GADD45B: variants seen among roughly 807,000 people sequenced by gnomAD.
GADD45B encodes the protein growth arrest and DNA damage inducible beta.
A neutral mutation model predicts 15.2 loss-of-function variants in GADD45B; 8 were observed. That is an observed-to-expected ratio of 0.53 (90% confidence interval 0.31 to 0.95). The LOEUF is 0.95. Ranked by LOEUF, GADD45B falls within the 40% of genes least tolerant of loss-of-function variation. The probability of loss-of-function intolerance (pLI) is 0.05; values close to 1 mark genes in which losing one functional copy is unlikely to be tolerated. For synonymous variants in GADD45B, 100 were observed against 89.8 expected (o/e 1.11, Z -0.64); for missense variants, 162 against 216.6 (o/e 0.75, Z 1.58).
Position 2,477,003 on chromosome 19 carries a change from C to G in GADD45B, c.147-26C>G. On this transcript the variant is annotated intron_variant, in intron 2 of 3. Transcript: ENST00000215631. The surrounding 1 kb of genome is among the most constrained non-coding windows in gnomAD (Gnocchi z 4.2). ...GGCCCCTCCCCTGTCCCCGGCTGAC[C>G]CATCCCTACCCTTTGGCCCCCTCAG... 1 of 1,524,444 alleles carries G rather than the reference C, an allele frequency of 6.6e-7. No individual in the cohort carries two copies. The highest frequency in any genetic ancestry group is 9.1e-7 in the Non-Finnish European group (1 of 1,099,842). 94.4% of individuals were successfully genotyped at this position (1,524,444 alleles called of 1,614,324 possible). A position where few individuals can be genotyped will look rare whatever the true frequency, so the allele number is the denominator to read the frequency against.
Position 2,477,293 on chromosome 19 carries a change from T to C in GADD45B, c.369+42T>C. 2 of 1,348,604 alleles carry C rather than the reference T, an allele frequency of 1.5e-6. No homozygotes were observed. The highest frequency in any genetic ancestry group is 2.0e-6 in the Non-Finnish European group (2 of 987,008). The allele number at this position is 1,348,604 out of a possible 1,614,324, so 83.5% of individuals were successfully genotyped here. ...CCCTGCCCCGCCACGCCCGGGCACC[T>C]GGGCCGGTGTTTGTCAACAAAGTCG... On this transcript the variant is annotated intron_variant, in intron 3 of 3. Transcript: ENST00000215631. The surrounding 1 kb of genome is among the most constrained non-coding windows in gnomAD (Gnocchi z 4.2).
At position 2,477,607 on chromosome 19, in the gene GADD45B, T is replaced by C. The variant is rs771453941; in HGVS notation, c.*6T>C. 19 of 1,491,826 alleles carry C rather than the reference T, an allele frequency of 1.3e-5. No individual in the cohort carries two copies. The highest frequency in any genetic ancestry group is 1.6e-5 in the Non-Finnish European group (17 of 1,069,370). 92.4% of individuals were successfully genotyped at this position (1,491,826 alleles called of 1,614,324 possible). A position where few individuals can be genotyped will look rare whatever the true frequency, so the allele number is the denominator to read the frequency against. On this transcript the variant is annotated 3_prime_UTR_variant, in exon 4 of 4. Coordinates refer to ENST00000215631, the MANE Select transcript of GADD45B (RefSeq NM_015675.4). This position sits in a 1 kb window ranked among gnomAD's most constrained non-coding sequence, Gnocchi z 4.2. ...TCTCTCTTCAGGAACGCTGAGGCCC[T>C]TCCCAGCAGCAGAATCTGTTGAGTT... is the stretch of plus-strand genomic sequence containing the variant.
rs373242275 is a variant in GADD45B at position 2,477,298 on chromosome 19, C to G, written c.369+47C>G. On this transcript the variant is annotated intron_variant, in intron 3 of 3. Transcript: ENST00000215631. The surrounding 1 kb of genome is among the most constrained non-coding windows in gnomAD (Gnocchi z 4.2). Reference sequence around the variant, plus strand: ...CCCCGCCACGCCCGGGCACCTGGGCCGGTGTTTGTCAACAAAGTCGGGCTG... The same window carrying G: ...CCCCGCCACGCCCGGGCACCTGGGCGGGTGTTTGTCAACAAAGTCGGGCTG... The G allele has an allele frequency of 1.5e-6, 2 of 1,328,396 alleles. No homozygotes were observed. The highest frequency in any genetic ancestry group is 4.4e-5 in the Admixed American group (2 of 45,658). The allele number at this position is 1,328,396 out of a possible 1,614,324, so 82.3% of individuals were successfully genotyped here. A position where few individuals can be genotyped will look rare whatever the true frequency, so the allele number is the denominator to read the frequency against.
At position 2,476,134 on chromosome 19, in the gene GADD45B, C is replaced by T. The variant is rs1397194232; in HGVS notation, c.-225C>T. 1.0e-5 allele frequency: 6 copies of T among 598,890 alleles called. No individual in the cohort carries two copies. Among genetic ancestry groups the T allele is most frequent in the South Asian group, 5.9e-5 (3 of 50,634 alleles). 37.1% of individuals were successfully genotyped at this position (598,890 alleles called of 1,614,324 possible). Reference sequence around the variant, plus strand: ...GCCGGAGGCTCCCAGCTCAGATCGCCGAAGCGTCGGACTACCGTTGGTTTC... The same window carrying T: ...GCCGGAGGCTCCCAGCTCAGATCGCTGAAGCGTCGGACTACCGTTGGTTTC... On this transcript the variant is annotated 5_prime_UTR_variant, in exon 1 of 4. Transcript: ENST00000215631.
intron 2 of GADD45B, 162 bp downstream of exon 2, chr19:2,476,792 C>G (rs3783498): frequency 3.2e-6 from 2 of 616,734 alleles, no homozygotes; most frequent in East Asian, 5.5e-5. Context: ...CGGGGGCTGC[C>G]GTATCCTGAT....
chr19:2,476,266 T>C lies in GADD45B; in HGVS notation c.-93T>C. The C allele has an allele frequency of 8.3e-7, 1 of 1,207,280 alleles. No individual in the cohort carries two copies. The highest frequency in any genetic ancestry group is 1.2e-6 in the Non-Finnish European group (1 of 810,772). The allele number at this position is 1,207,280 out of a possible 1,614,324, so 74.8% of individuals were successfully genotyped here. On this transcript the variant is annotated 5_prime_UTR_variant, in exon 1 of 4. Coordinates refer to ENST00000215631, the MANE Select transcript of GADD45B (RefSeq NM_015675.4). ...AGGTCTTGGACGAGCGCTCTAGCTC[T>C]GTGGGAAGGTTTTGGGCTCTCTGGC...
chr19:2,477,585 C>A lies in GADD45B; in HGVS notation c.467C>A (p.Ser156Tyr). ...RGNNQWVPYI[S>Y]LQER ...AACAACCAGTGGGTCCCCTACATCT[C>A]TCTTCAGGAACGCTGAGGCCCTTCC... The change falls in exon 4 of 4, where the codon TCT (serine) becomes TAT (tyrosine). Residue 156 changes from serine to tyrosine, a missense_variant. Transcript: ENST00000215631. The surrounding 1 kb of genome is among the most constrained non-coding windows in gnomAD (Gnocchi z 4.2). 6.2e-7 allele frequency: 1 copy of A among 1,601,462 alleles called. No homozygotes were observed. Among genetic ancestry groups the A allele is most frequent in the South Asian group, 1.1e-5 (1 of 90,802 alleles).
At position 2,477,080 on chromosome 19, in the gene GADD45B, G is replaced by T. The variant is rs1397034102; in HGVS notation, c.198G>T (p.Glu66Asp). 5.6e-6 allele frequency: 9 copies of T among 1,613,832 alleles called. No individual in the cohort carries two copies. Among genetic ancestry groups the T allele is most frequent in the Non-Finnish European group, 7.6e-6 (9 of 1,179,810 alleles). Residue 66 changes from glutamate (E) to aspartate (D), a missense_variant, in exon 3 of 4, where the codon GAG becomes GAT. Transcript: ENST00000215631. The surrounding 1 kb of genome is among the most constrained non-coding windows in gnomAD (Gnocchi z 4.2). ...LCLLAIDEEE[E>D]DDIALQIHFT... ...TCTTGGCCATTGACGAGGAGGAGGA[G>T]GATGACATCGCCCTGCAAATCCACT...
At position 2,478,059 on chromosome 19, in the gene GADD45B, C is replaced by G. The variant is rs1046413662; in HGVS notation, c.*458C>G. Reference sequence around the variant, plus strand: ...CTTGGTTGGTCCTTGTCTGCACCCTCGACAAGACCACACTTTGGGACTTGG... The same window carrying G: ...CTTGGTTGGTCCTTGTCTGCACCCTGGACAAGACCACACTTTGGGACTTGG... On this transcript the variant is annotated 3_prime_UTR_variant, in exon 4 of 4. Transcript: ENST00000215631. 1 of 154,878 alleles carries G rather than the reference C, an allele frequency of 6.5e-6. No homozygotes were observed. The highest frequency in any genetic ancestry group is 2.4e-5 in the African/African-American group (1 of 41,582). 9.6% of individuals were successfully genotyped at this position (154,878 alleles called of 1,614,324 possible).
rs755359139 is a variant in GADD45B, at chr19:2,476,167, T to A, written c.-192T>A. Reference sequence around the variant, plus strand: ...CGGACTACCGTTGGTTTCCGCAACTTCCTGGATTATCCTCGCCAAGGACTT... The same window carrying A: ...CGGACTACCGTTGGTTTCCGCAACTACCTGGATTATCCTCGCCAAGGACTT... On this transcript the variant is annotated 5_prime_UTR_variant, in exon 1 of 4. Transcript: ENST00000215631. 1.7e-4 allele frequency: 108 copies of A among 637,696 alleles called. No homozygotes were observed. Among genetic ancestry groups the A allele is most frequent in the Non-Finnish European group, 2.7e-4 (97 of 361,634 alleles). The allele number at this position is 637,696 out of a possible 1,614,324, so 39.5% of individuals were successfully genotyped here. A position where few individuals can be genotyped will look rare whatever the true frequency, so the allele number is the denominator to read the frequency against.
At chr19:2,476,458 T>TGGGCC in intron 1 of GADD45B, 56 bp downstream of exon 1, 1 of 1,602,324 alleles carries the variant, frequency 6.2e-7, no homozygotes, top group Middle Eastern at 1.7e-4. Flanking sequence ...TGGGTCGGGT[T>TGGGCC]GGGCCGGGCC....
In GADD45B at chr19:2,477,535, C is replaced by T; in HGVS notation, c.417C>T (p.Ala139=). ...AGAGCCACGGCTTGGTGGAGGTGGCCAGCTACTGCGAAGAAAGCCGGGGCA... is the reference window on the plus strand; with the variant it reads ...AGAGCCACGGCTTGGTGGAGGTGGCTAGCTACTGCGAAGAAAGCCGGGGCA... ...AWKSHGLVEV[A]SYCEESRGNN... Residue 139 remains alanine (A), a synonymous_variant, in exon 4 of 4, where the codon GCC becomes GCT. Transcript: ENST00000215631. The surrounding 1 kb of genome is among the most constrained non-coding windows in gnomAD (Gnocchi z 4.2). The T allele has an allele frequency of 1.9e-6, 3 of 1,613,900 alleles. No individual in the cohort carries two copies. Among genetic ancestry groups the T allele is most frequent in the Non-Finnish European group, 2.5e-6 (3 of 1,179,806 alleles).
In GADD45B at chr19:2,476,568, G is replaced by T. The variant is rs373430316; in HGVS notation, c.84G>T (p.Val28=). 49 of 1,604,610 alleles carry T rather than the reference G, an allele frequency of 3.1e-5. No individual in the cohort carries two copies. The highest frequency in any genetic ancestry group is 3.6e-5 in the Non-Finnish European group (42 of 1,173,764). The stretch of plus-strand genomic sequence containing the variant: ...CCGCCGCGGTGGAGGAGCTTTTGGT[G>T]GCCGCTCAGCGCCAGGATCGCCTCA... ...TVTAAVEELL[V]AAQRQDRLTV... is the part of the protein sequence containing the mutation. The change falls in exon 2 of 4, where the codon GTG becomes GTT. Residue 28 remains valine, a synonymous_variant. Transcript: ENST00000215631.
intron 2 of GADD45B, 139 bp downstream of exon 2, chr19:2,476,769 C>T (rs1038130160): frequency 3.1e-6 from 2 of 635,032 alleles, no homozygotes; most frequent in Admixed American, 3.0e-5. Context: ...AGCTTCTCTG[C>T]CGTTTTGTGG....
chr19:2,476,744 C>T (rs1972321367), intron 2 of GADD45B, 114 bp downstream of exon 2: 1 of 678,154 alleles, frequency 1.5e-6, no homozygotes, highest in South Asian at 1.9e-5. Context: ...CAAGTGCCCC[C>T]CGCTGTGGAT....
rs912288108 is a variant in GADD45B, at chr19:2,477,407, A to G, written c.370-81A>G. 1.0e-5 allele frequency: 11 copies of G among 1,102,148 alleles called. No homozygotes were observed. The highest frequency in any genetic ancestry group is 8.7e-5 in the Admixed American group (4 of 46,018). 68.3% of individuals were successfully genotyped at this position (1,102,148 alleles called of 1,614,324 possible). Reference sequence around the variant, plus strand: ...CTGGGGCCTCCTCACCCAGGAAGCTATTTTGAGCCTGACTGTTTTCCCCAC... The same window carrying G: ...CTGGGGCCTCCTCACCCAGGAAGCTGTTTTGAGCCTGACTGTTTTCCCCAC... On this transcript the variant is annotated intron_variant, in intron 3 of 3. Transcript: ENST00000215631. This position sits in a 1 kb window ranked among gnomAD's most constrained non-coding sequence, Gnocchi z 4.2.
rs898250550 is a variant in GADD45B at position 2,477,691 on chromosome 19, C to G, written c.*90C>G. 3.2e-6 allele frequency: 2 copies of G among 620,140 alleles called. No individual in the cohort carries two copies. The highest frequency in any genetic ancestry group is 1.9e-5 in the African/African-American group (1 of 52,248). The allele number at this position is 620,140 out of a possible 1,614,324, so 38.4% of individuals were successfully genotyped here. ...AACCCCCTCCCCCCCAGCACAACCC[C>G]CCCAAAACAACCCAACCCACGAGGA... On this transcript the variant is annotated 3_prime_UTR_variant, in exon 4 of 4. Transcript: ENST00000215631. The surrounding 1 kb of genome is among the most constrained non-coding windows in gnomAD (Gnocchi z 4.2).
rs1167944379 is a variant in GADD45B at position 2,476,208 on chromosome 19, C to T, written c.-151C>T. 6.6e-6 allele frequency: 5 copies of T among 758,564 alleles called. No homozygotes were observed. Among genetic ancestry groups the T allele is most frequent in the Admixed American group, 2.0e-5 (1 of 49,516 alleles). 47.0% of individuals were successfully genotyped at this position (758,564 alleles called of 1,614,324 possible). A position where few individuals can be genotyped will look rare whatever the true frequency, so the allele number is the denominator to read the frequency against. On this transcript the variant is annotated 5_prime_UTR_variant, in exon 1 of 4. Transcript: ENST00000215631. ...CCAAGGACTTTGCAATATATTTTTC[C>T]GCCTTTTCTGGAAGGATTTCGCTGC...
rs1272624641 is a variant in GADD45B, at chr19:2,477,033, C to T, written c.151C>T (p.Pro51Ser). 3 of 1,611,430 alleles carry T rather than the reference C, an allele frequency of 1.9e-6. No individual in the cohort carries two copies. The highest frequency in any genetic ancestry group is 2.2e-5 in the East Asian group (1 of 44,872). Residue 51 changes from proline (P) to serine (S), a missense_variant, in exon 3 of 4, where the codon CCA becomes TCA. Pro to Ser is a moderately conservative substitution (Grantham distance 74, BLOSUM62 -1). Coordinates refer to ENST00000215631, the MANE Select transcript of GADD45B (RefSeq NM_015675.4). This position sits in a 1 kb window ranked among gnomAD's most constrained non-coding sequence, Gnocchi z 4.2. ...CCTACCCTTTGGCCCCCTCAGGGAC[C>T]CAGACAGCGTGGTCCTCTGCCTCTT... is the stretch of plus-strand genomic sequence containing the variant. ...YESAKLMNVDPDSVVLCLLAI... is the reference protein window; with the variant it reads ...YESAKLMNVDSDSVVLCLLAI...
Sources: allele counts gnomAD v4.1 joint callset, GRCh38; gene constraint gnomAD v4.1.1; non-coding constraint Gnocchi (gnomAD v3.1); transcripts MANE v1.5; gene names NCBI Gene and HGNC (gene_info 2026-07-23, HGNC 2026-07-21).